ZFP64: variants seen among roughly 807,000 people sequenced by gnomAD.
ZFP64 encodes ZFP64 zinc finger protein.
In ZFP64, 14 loss-of-function variants were observed where a neutral mutation model predicts 51.6. The ratio of observed to expected loss-of-function variants is 0.27; its 90% CI spans 0.18 to 0.42. The LOEUF is 0.42. ZFP64 is among the 10% of genes least tolerant of loss of function. ZFP64 has a pLI of 1.00. For synonymous variants in ZFP64, 375 were observed against 361.4 expected (o/e 1.04, Z -0.43); for missense variants, 754 against 906.8 (o/e 0.83, Z 2.16).
At chr20:52,188,607 G>A (rs1045647252) in intron 1 of ZFP64, among the ~76,000 whole-genome samples, 2 of 148,590 alleles carry the variant, frequency 1.3e-5, no homozygotes, top group South Asian at 2.1e-4. Context: ...GTGAGCCACC[G>A]CACCCGGCCG....
intron 2 of ZFP64, among the ~76,000 whole-genome samples, chr20:52,178,422 CA>C (rs753257383): frequency 6.6e-6 from 1 of 152,064 alleles, no homozygotes; most frequent in Non-Finnish European, 1.5e-5. Context: ...CTTTTGGTTA[CA>C]AAAAACTACT....
At chr20:52,092,777 A>C (rs901535387) in intron 7 of ZFP64, among the ~76,000 whole-genome samples, 2 of 152,194 alleles carry the variant, frequency 1.3e-5, no homozygotes, top group Admixed American at 6.5e-5. Context: ...AATCACTTGA[A>C]CCAGGGAGAC....
At chr20:52,091,589 G>A (rs182746266) in intron 7 of ZFP64, among the ~76,000 whole-genome samples, 1 of 152,098 alleles carries the variant, frequency 6.6e-6, no homozygotes, top group Admixed American at 6.6e-5. Flanking sequence ...CTTCACAAAT[G>A]GTTTTTCAAA....
At chr20:52,099,089 G>A (rs549547137) in intron 5 of ZFP64, among the ~76,000 whole-genome samples, 1 of 151,532 alleles carries the variant, frequency 6.6e-6, no homozygotes, top group Non-Finnish European at 1.5e-5. Flanking sequence ...AGAAGTACAG[G>A]GGACAGGACA....
intron 5 of ZFP64, among the ~76,000 whole-genome samples, chr20:52,132,506 C>T (rs552272726): frequency 9.6e-4 from 146 of 151,832 alleles, no homozygotes; most frequent in Non-Finnish European, 1.5e-3. Flanking sequence ...TAAATAAAAT[C>T]GGAAATGAAA....
At position 52,084,567 on chromosome 20, in the gene ZFP64, T is replaced by TG; in HGVS notation, c.1927dup (p.Gln643ProfsTer17). ...CCCTCTTCGGCTGAGCTAGAGGTCT[T>TG]GGCTGGGCTCTAGGGGAGCCTCGAG... On this transcript the variant is annotated frameshift_variant, in exon 9 of 9. Transcript: ENST00000361387. LOFTEE classifies it high-confidence loss of function. 1 of 1,612,744 alleles carries TG rather than the reference T, an allele frequency of 6.2e-7. No individual in the cohort carries two copies. Among genetic ancestry groups the TG allele is most frequent in the Non-Finnish European group, 8.5e-7 (1 of 1,179,646 alleles).
intron 3 of ZFP64, 184 bp from the exon 4 acceptor site, chr20:52,164,941 C>T (rs1568690861): frequency 4.3e-6 from 3 of 692,638 alleles, no homozygotes; most frequent in Non-Finnish European, 7.9e-6. Flanking sequence ...GTGGTTCCTG[C>T]CAAAACTGCA....
chr20:52,123,829 G>A (rs1243731136), intron 5 of ZFP64, among the ~76,000 whole-genome samples: 1 of 148,472 alleles, frequency 6.7e-6, no homozygotes, highest in Non-Finnish European at 1.5e-5. Flanking sequence ...TGGTATGTCT[G>A]TTACAGAGAA....
chr20:52,167,839 G>A (rs1982406900), intron 2 of ZFP64, among the ~76,000 whole-genome samples: 1 of 152,094 alleles, frequency 6.6e-6, no homozygotes, highest in Non-Finnish European at 1.5e-5. Context: ...TAACATCACT[G>A]TTTATTTTAG....
intron 5 of ZFP64, chr20:52,105,530 AT>A (rs1425312820): frequency 2.9e-6 from 1 of 342,060 alleles, no homozygotes; most frequent in Non-Finnish European, 5.1e-6. Context: ...CAGAATCTGC[AT>A]TTTAACAAGA....
At chr20:52,120,613 C>G (rs920287839) in intron 5 of ZFP64, among the ~76,000 whole-genome samples, 91 of 130,474 alleles carry the variant, frequency 7.0e-4, no homozygotes, top group Admixed American at 1.3e-3. Flanking sequence ...TGAGATAATT[C>G]TTGTAATATT....
intron 7 of ZFP64, among the ~76,000 whole-genome samples, chr20:52,096,210 C>T (rs534423889): frequency 1.3e-5 from 2 of 152,332 alleles, no homozygotes; most frequent in South Asian, 4.1e-4. Context: ...ATCCCTCAGG[C>T]CCCCTTGGTA....
chr20:52,084,518 G>C (rs774765607), exon 9 of ZFP64: 2 of 1,575,584 alleles, frequency 1.3e-6, no homozygotes, highest in Non-Finnish European at 1.7e-6. Flanking sequence ...AACAGCACTG[G>C]TCAGAAGTTC....
chr20:52,119,533 A>AAAATATAT (rs1457197109), intron 5 of ZFP64, among the ~76,000 whole-genome samples: 1 of 89,840 alleles, frequency 1.1e-5, no homozygotes, highest in Non-Finnish European at 2.1e-5. Context: ...AAAAAAAAAA[A>AAAATATAT]ATATATATAT....
intron 2 of ZFP64, among the ~76,000 whole-genome samples, chr20:52,180,820 C>T (rs1310407989): frequency 2.0e-5 from 3 of 152,192 alleles, no homozygotes; most frequent in Non-Finnish European, 4.4e-5. Context: ...AAGTAACCTG[C>T]CCAAGGTCAC....
At position 52,086,669 on chromosome 20, in the gene ZFP64, G is replaced by A. The variant is rs894858323; in HGVS notation, c.1229-1403C>T. ...ATTTTTTTGTATTTTTAGTAGAGAC[G>A]GGGTTTCACCGTGTTAGCCAGGATG... On this transcript the variant is annotated intron_variant, in intron 8 of 8. Transcript: ENST00000361387. Among the ~76,000 whole-genome samples the A allele has an allele frequency of 2.6e-5, 4 of 151,918 alleles. No homozygotes were observed. In the East Asian group the frequency reaches 5.8e-4, roughly 22 times the overall value.
At chr20:52,088,066 T>C (rs2078882687) in intron 8 of ZFP64, among the ~76,000 whole-genome samples, 1 of 152,216 alleles carries the variant, frequency 6.6e-6, no homozygotes, top group South Asian at 2.1e-4. Context: ...AATTTAGCCA[T>C]GCAATCAGTG....
intron 5 of ZFP64, among the ~76,000 whole-genome samples, chr20:52,133,707 T>G (rs1979833297): frequency 1.3e-5 from 2 of 152,194 alleles, no homozygotes; most frequent in African/African-American, 4.8e-5. Context: ...TTTGGTCCAC[T>G]GTGCCTTGGG....
intron 5 of ZFP64, among the ~76,000 whole-genome samples, chr20:52,100,661 G>A (rs114953655): frequency 0.017 from 2,549 of 152,268 alleles, 76 homozygotes; most frequent in African/African-American, 0.058. Context: ...AAGTTTGTGC[G>A]GGTGAAGGAA....
Sources: gnomAD v4.1 joint callset for allele counts (sites outside exome capture counted in the v4.1 genomes callset) on GRCh38, gnomAD v4.1.1 for gene constraint, MANE v1.5 for transcripts, NCBI Gene and HGNC (gene_info 2026-07-23, HGNC 2026-07-21) for gene names.